Variants in CDC27 observed in about 807,000 individuals in gnomAD.
CDC27 encodes the protein cell division cycle protein 27 homolog.
CDC27 carries 27 observed loss-of-function variants against 109.7 expected under a neutral mutation model. The ratio of observed to expected loss-of-function variants is 0.25; its 90% CI spans 0.18 to 0.34. The LOEUF (loss-of-function observed/expected upper bound fraction) is 0.34, where lower values mean the gene tolerates loss of function less well. CDC27 is among the 10% of genes least tolerant of loss of function. The pLI is 1.00. For synonymous variants in CDC27, 266 were observed against 333.9 expected (o/e 0.80, Z 2.22); for missense variants, 579 against 960.2 (o/e 0.60, Z 5.25).
At position 47,181,608 on chromosome 17, in the gene CDC27, A is replaced by G. The variant is rs146584045; in HGVS notation, c.57T>C (p.Tyr19=). ...QAAIWQALNH[Y]AYRDAVFLAE... ...CGAGGAAAACCGCATCTCGGTAAGCATAGTGGTTTAGTGCTTGCCATATAG... is the reference window on the plus strand; with the variant it reads ...CGAGGAAAACCGCATCTCGGTAAGCGTAGTGGTTTAGTGCTTGCCATATAG... The change falls in exon 2 of 19, where the codon TAT becomes TAC. Residue 19 remains tyrosine (Y), a synonymous_variant. Transcript: ENST00000066544. 30 of 1,609,050 alleles carry G rather than the reference A, an allele frequency of 1.9e-5. No individual in the cohort carries two copies. In the African/African-American group the frequency reaches 3.3e-4, roughly 18 times the overall value.
At chr17:47,174,656 C>T (rs75122004) in intron 2 of CDC27, among the ~76,000 whole-genome samples, 2,845 of 152,156 alleles carry the variant, frequency 0.019, 37 homozygotes, top group Non-Finnish European at 0.028. Flanking sequence ...GAAAGATTTC[C>T]AGAATGTACT....
chr17:47,133,969 T>G (rs143903780), intron 14 of CDC27, among the ~76,000 whole-genome samples: 28 of 152,318 alleles, frequency 1.8e-4, no homozygotes, highest in African/African-American at 6.5e-4. Context: ...CAGGCTGGTC[T>G]TGAACTCCTG....
At position 47,137,311 on chromosome 17, in the gene CDC27, A is replaced by G; in HGVS notation, c.1754T>C (p.Ile585Thr). The G allele has an allele frequency of 1.9e-6, 3 of 1,611,248 alleles. No homozygotes were observed. The highest frequency in any genetic ancestry group is 2.2e-5 in the East Asian group (1 of 44,768). ...NCFSLQREHD[I>T]AIKFFQRAIQ... ...AGCTCTCTGGAAGAATTTAATTGCA[A>G]TATCATGTTCCCGTTGCAGACTGAA... Residue 585 changes from isoleucine to threonine, a missense_variant, in exon 14 of 19, where the codon ATT becomes ACT. By Grantham distance (89) the Ile-to-Thr change is moderately conservative. This residue lies in a region of CDC27 where 227 missense variants were observed against 363.6 expected (regional missense o/e 0.62). Transcript: ENST00000066544.
intron 16 of CDC27, among the ~76,000 whole-genome samples, chr17:47,129,050 C>T (rs142007102): frequency 1.2e-4 from 18 of 152,270 alleles, no homozygotes; most frequent in African/African-American, 4.1e-4. Context: ...GGATTACAGG[C>T]GTAAGCCACT....
chr17:47,143,607 T>C (rs1305271439), intron 10 of CDC27, among the ~76,000 whole-genome samples: 2 of 152,192 alleles, frequency 1.3e-5, no homozygotes, highest in African/African-American at 2.4e-5. Flanking sequence ...TAATCACTGA[T>C]CTGTTGTCCA....
intron 4 of CDC27, among the ~76,000 whole-genome samples, chr17:47,162,583 A>G (rs1173339113): frequency 6.6e-6 from 1 of 152,214 alleles, no homozygotes; most frequent in African/African-American, 2.4e-5. Context: ...GAACTGTATG[A>G]ATTATTTACA....
chr17:47,148,531 C>T (rs2148889153), intron 9 of CDC27, among the ~76,000 whole-genome samples: 1 of 152,116 alleles, frequency 6.6e-6, no homozygotes, highest in East Asian at 1.9e-4. Context: ...CCCAATTTAG[C>T]CAACTATTAT....
intron 9 of CDC27, among the ~76,000 whole-genome samples, chr17:47,148,312 A>G (rs2063043548): frequency 6.6e-6 from 1 of 152,222 alleles, no homozygotes; most frequent in South Asian, 2.1e-4. Flanking sequence ...GGTGTGGTTA[A>G]TAACAGGTCT....
chr17:47,159,063 T>C (rs2063409258), intron 4 of CDC27: 2 of 222,100 alleles, frequency 9.0e-6, no homozygotes, highest in Non-Finnish European at 1.7e-5. Flanking sequence ...TAATTTTTAA[T>C]ACAACATTCC....
At chr17:47,141,808 G>T in intron 12 of CDC27, 45 bp downstream of exon 12, 1 of 1,186,100 alleles carries the variant, frequency 8.4e-7, no homozygotes, top group Non-Finnish European at 1.2e-6. Context: ...TAATGAAATT[G>T]AAATTATCTC....
chr17:47,164,133 C>G (rs1102461), intron 4 of CDC27, among the ~76,000 whole-genome samples: 92,485 of 152,040 alleles, frequency 0.61, 28,611 homozygotes, highest in Admixed American at 0.68. Flanking sequence ...ATTTACCATA[C>G]TGTTATAACT....
rs2061965243 is a variant in CDC27 at position 47,120,863 on chromosome 17, C to T, written c.*72G>A. 9.4e-7 allele frequency: 1 copy of T among 1,065,042 alleles called. No individual in the cohort carries two copies. The highest frequency in any genetic ancestry group is 1.4e-6 in the Non-Finnish European group (1 of 694,638). The allele number at this position is 1,065,042 out of a possible 1,614,324, so 66.0% of individuals were successfully genotyped here. On this transcript the variant is annotated 3_prime_UTR_variant, in exon 19 of 19. Coordinates refer to ENST00000066544, the MANE Select transcript of CDC27 (RefSeq NM_001256.6). Reference sequence around the variant, plus strand: ...CACCGCCAGCTCAAGAGTAAAGACTCAGTATACAGAGGGACAAGAAACACG... The same window carrying T: ...CACCGCCAGCTCAAGAGTAAAGACTTAGTATACAGAGGGACAAGAAACACG...
chr17:47,125,333 C>T (rs1328699507), intron 16 of CDC27, among the ~76,000 whole-genome samples: 1 of 144,644 alleles, frequency 6.9e-6, no homozygotes, highest in East Asian at 2.3e-4. Context: ...TACAACCTCT[C>T]CCTCCCAGTG....
chr17:47,185,644 T>C (rs191009767), intron 1 of CDC27, among the ~76,000 whole-genome samples: 34 of 152,220 alleles, frequency 2.2e-4, no homozygotes, highest in Middle Eastern at 3.4e-3. Context: ...TCAAGTGATC[T>C]GTCTGCCTCA....
rs761087556 is a variant in CDC27, at chr17:47,151,929, C to T, written c.958-11G>A. On this transcript the variant is annotated splice_polypyrimidine_tract_variant and intron_variant, in intron 8 of 18. Coordinates refer to ENST00000066544, the MANE Select transcript of CDC27 (RefSeq NM_001256.6). Reference sequence around the variant, plus strand: ...GATTCTGGCAACAGACTGTAAAACACGAAAAGTCTAAGGTTTGTGAATTAT... The same window carrying T: ...GATTCTGGCAACAGACTGTAAAACATGAAAAGTCTAAGGTTTGTGAATTAT... 39 of 1,602,342 alleles carry T rather than the reference C, an allele frequency of 2.4e-5. No individual in the cohort carries two copies. Among genetic ancestry groups the T allele is most frequent in the South Asian group, 9.1e-5 (8 of 87,826 alleles).
At chr17:47,134,479 T>TG (rs2062507553) in intron 14 of CDC27, among the ~76,000 whole-genome samples, 1 of 151,644 alleles carries the variant, frequency 6.6e-6, no homozygotes, top group Admixed American at 6.6e-5. Context: ...TAATTGTTTT[T>TG]TTTTTGTTTT....
At chr17:47,175,487 A>G (rs1241302136) in intron 2 of CDC27, among the ~76,000 whole-genome samples, 2 of 152,180 alleles carry the variant, frequency 1.3e-5, no homozygotes, top group Admixed American at 1.3e-4. Flanking sequence ...CATAGAACCT[A>G]TGGAACTTTT....
chr17:47,138,369 C>A (rs1417580426), intron 13 of CDC27, among the ~76,000 whole-genome samples: 1 of 152,174 alleles, frequency 6.6e-6, no homozygotes, highest in East Asian at 1.9e-4. Flanking sequence ...AAGATTAGAG[C>A]ATGTACATTA....
At chr17:47,178,152 G>A (rs963863251) in intron 2 of CDC27, among the ~76,000 whole-genome samples, 6 of 152,132 alleles carry the variant, frequency 3.9e-5, no homozygotes, top group African/African-American at 1.4e-4. Flanking sequence ...GGACTGTGAT[G>A]TCAATTTAGT....
Sources: allele counts gnomAD v4.1 joint callset (sites outside exome capture counted in the v4.1 genomes callset), GRCh38; gene constraint gnomAD v4.1.1; regional missense constraint gnomAD v4.1.1; transcripts MANE v1.5; gene names NCBI Gene and HGNC (gene_info 2026-07-23, HGNC 2026-07-21).